COX10: variants seen among roughly 807,000 people sequenced by gnomAD.
COX10 encodes the protein cytochrome c oxidase assembly factor heme A:farnesyltransferase COX10, also known as protoheme IX farnesyltransferase, mitochondrial.
COX10 carries 27 observed loss-of-function variants against 37.3 expected under a neutral mutation model. The ratio of observed to expected loss-of-function variants is 0.72; its 90% CI spans 0.53 to 1.00. COX10 has a LOEUF of 1.00. Ranked by LOEUF, COX10 falls within the 50% of genes least tolerant of loss-of-function variation. COX10 has a pLI of 0.00. For missense variants in COX10, 475 were observed against 563.2 expected, an observed-to-expected ratio of 0.84 and a Z score of 1.59; for synonymous variants, 222 against 229.1, an observed-to-expected ratio of 0.97 and a Z score of 0.28.
chr17:14,154,302 ATGAC>A (rs1414018521), intron 4 of COX10, among the ~76,000 whole-genome samples: 1 of 152,242 alleles, frequency 6.6e-6, no homozygotes, highest in Non-Finnish European at 1.5e-5. Context: ...TAATGAAGTT[ATGAC>A]TGTTAAAAAG....
intron 4 of COX10, among the ~76,000 whole-genome samples, chr17:14,142,860 A>G (rs1367738035): frequency 6.6e-6 from 1 of 152,160 alleles, no homozygotes; most frequent in South Asian, 2.1e-4. Flanking sequence ...CTTGCAACAC[A>G]TTACAGGTTT....
chr17:14,083,530 C>T (rs768323501), intron 3 of COX10, among the ~76,000 whole-genome samples: 13 of 152,046 alleles, frequency 8.6e-5, no homozygotes, highest in East Asian at 5.8e-4. Flanking sequence ...CTGTAATATA[C>T]GGAGGATAAT....
chr17:14,198,247 A>G (rs886482998), intron 6 of COX10, among the ~76,000 whole-genome samples: 1 of 152,140 alleles, frequency 6.6e-6, no homozygotes, highest in Non-Finnish European at 1.5e-5. Flanking sequence ...CCCAGCCGAC[A>G]TTCCAGCTGC....
intron 4 of COX10, among the ~76,000 whole-genome samples, chr17:14,154,395 G>A (rs1255823350): frequency 6.6e-6 from 1 of 152,146 alleles, no homozygotes; most frequent in Admixed American, 6.5e-5. Flanking sequence ...AATTATAAAA[G>A]ATTTATTCAC....
intron 4 of COX10, among the ~76,000 whole-genome samples, chr17:14,146,240 A>G (rs1197443288): frequency 6.6e-6 from 1 of 152,106 alleles, no homozygotes; most frequent in Non-Finnish European, 1.5e-5. Flanking sequence ...TATAGTATAC[A>G]AAGCTATAGT....
At chr17:14,153,862 T>G (rs1312240911) in intron 4 of COX10, among the ~76,000 whole-genome samples, 1 of 152,166 alleles carries the variant, frequency 6.6e-6, no homozygotes, top group African/African-American at 2.4e-5. Flanking sequence ...TAACCAGATA[T>G]CCATCCAAAA....
chr17:14,206,804 G>A lies in COX10; in HGVS notation c.929-6G>A, dbSNP rs763059631. On this transcript the variant is annotated splice_region_variant and splice_polypyrimidine_tract_variant and intron_variant, in intron 6 of 6. Transcript: ENST00000261643. ...GTCTCCCTCTCCTTCCCTGACCCCC[G>A]CACAGGCGCATTTCTCCTGGGAGGA... is the stretch of plus-strand genomic sequence containing the variant. 8.1e-6 allele frequency: 13 copies of A among 1,607,840 alleles called. No homozygotes were observed. The highest frequency in any genetic ancestry group is 2.2e-5 in the South Asian group (2 of 90,684).
rs114060334 is a variant in COX10, at chr17:14,194,983, A to G, written c.928+2762A>G. ...AGTTTTTGAGGTTGGCTTCTATTAC[A>G]GTGTATCCTTTTACTTTAAATCTTA... On this transcript the variant is annotated intron_variant, in intron 6 of 6. Transcript: ENST00000261643. 6.4e-3 allele frequency among the ~76,000 whole-genome samples: 977 copies of G among 152,346 alleles called. 15 individuals carry two copies. Among genetic ancestry groups the G allele is most frequent in the African/African-American group, 0.022 (924 of 41,582 alleles).
intron 4 of COX10, among the ~76,000 whole-genome samples, chr17:14,107,806 G>A (rs1055441267): frequency 1.3e-5 from 2 of 152,056 alleles, no homozygotes; most frequent in Non-Finnish European, 1.5e-5. Context: ...CTAGCAGATT[G>A]TCTCCTCATT....
intron 4 of COX10, among the ~76,000 whole-genome samples, chr17:14,103,244 T>A (rs1046437467): frequency 6.6e-6 from 1 of 152,166 alleles, no homozygotes; most frequent in African/African-American, 2.4e-5. Flanking sequence ...TTTGCTACCT[T>A]CCCATGTTTT....
chr17:14,086,657 G>A (rs1410052596), intron 3 of COX10, among the ~76,000 whole-genome samples: 4 of 152,066 alleles, frequency 2.6e-5, no homozygotes, highest in East Asian at 3.9e-4. Flanking sequence ...AGTTTTTCAG[G>A]AATACATCAA....
At chr17:14,104,265 A>G (rs1915845045) in intron 4 of COX10, among the ~76,000 whole-genome samples, 2 of 152,172 alleles carry the variant, frequency 1.3e-5, no homozygotes, top group Admixed American at 6.6e-5. Flanking sequence ...TGTTATCATT[A>G]TGGTATCAGT....
intron 4 of COX10, among the ~76,000 whole-genome samples, chr17:14,126,850 T>C (rs1916352331): frequency 6.6e-6 from 1 of 152,136 alleles, no homozygotes; most frequent in Admixed American, 6.5e-5. Flanking sequence ...TTATTAGTAT[T>C]TAAAATTTAT....
intron 4 of COX10, among the ~76,000 whole-genome samples, chr17:14,158,523 AT>A (rs1406846631): frequency 6.6e-6 from 1 of 151,962 alleles, no homozygotes; most frequent in Non-Finnish European, 1.5e-5. Flanking sequence ...TAGAACACAT[AT>A]TGAGTACAAC....
intron 4 of COX10, among the ~76,000 whole-genome samples, chr17:14,108,295 T>A (rs1915940921): frequency 6.6e-6 from 1 of 152,158 alleles, no homozygotes; most frequent in Admixed American, 6.5e-5. Flanking sequence ...ATACATTAGA[T>A]CATTTGTTTG....
At chr17:14,125,620 C>T (rs902516522) in intron 4 of COX10, among the ~76,000 whole-genome samples, 1 of 152,044 alleles carries the variant, frequency 6.6e-6, no homozygotes, top group African/African-American at 2.4e-5. Flanking sequence ...GTAGTTGAGG[C>T]ATGTGTGTAT....
intron 5 of COX10, among the ~76,000 whole-genome samples, chr17:14,181,366 G>A (rs1331207967): frequency 1.3e-5 from 2 of 151,616 alleles, no homozygotes; most frequent in South Asian, 2.1e-4. Context: ...GTCTGCATTT[G>A]TAAACATGGT....
At chr17:14,104,184 G>A (rs765925028) in intron 4 of COX10, among the ~76,000 whole-genome samples, 1 of 151,904 alleles carries the variant, frequency 6.6e-6, no homozygotes, top group Non-Finnish European at 1.5e-5. Flanking sequence ...CTTGTCTCAG[G>A]CTGTGATTTC....
chr17:14,090,968 A>C (rs1915515123), intron 3 of COX10, among the ~76,000 whole-genome samples: 1 of 152,208 alleles, frequency 6.6e-6, no homozygotes, highest in South Asian at 2.1e-4. Flanking sequence ...GGAGAAAAGA[A>C]GTGTAGCGAA....
Sources: allele counts gnomAD v4.1 joint callset (sites outside exome capture counted in the v4.1 genomes callset), GRCh38; gene constraint gnomAD v4.1.1; transcripts MANE v1.5; gene names NCBI Gene and HGNC (gene_info 2026-07-23, HGNC 2026-07-21).